Variants in ENPP6 observed in about 807,000 individuals in gnomAD.
ENPP6 encodes ectonucleotide pyrophosphatase/phosphodiesterase 6.
In ENPP6, 32 loss-of-function variants were observed where a neutral mutation model predicts 42.0. The ratio of observed to expected loss-of-function variants is 0.76; its 90% confidence interval spans 0.58 to 1.02. The LOEUF is 1.02. ENPP6 is among the 50% of genes least tolerant of loss of function. The pLI, the probability that ENPP6 is intolerant of heterozygous loss-of-function variation, is 0.00. For missense variants in ENPP6, 552 were observed against 566.8 expected (o/e 0.97, Z 0.27); for synonymous variants, 213 against 216.0 (o/e 0.99, Z 0.12).
chr4:184,174,222 C>T (rs1023979722), intron 1 of ENPP6, among the ~76,000 whole-genome samples: 3 of 150,706 alleles, frequency 2.0e-5, no homozygotes, highest in Non-Finnish European at 4.4e-5. Flanking sequence ...ACTGCAACCT[C>T]TGCCTCCCAG....
intron 1 of ENPP6, among the ~76,000 whole-genome samples, chr4:184,185,363 G>C (rs111658095): frequency 1.0e-3 from 158 of 152,158 alleles, no homozygotes; most frequent in African/African-American, 3.4e-3. Context: ...AACATCCCAC[G>C]GGCAACATCT....
chr4:184,205,875 G>A (rs1732987812), intron 1 of ENPP6, among the ~76,000 whole-genome samples: 1 of 152,170 alleles, frequency 6.6e-6, no homozygotes, highest in Non-Finnish European at 1.5e-5. Flanking sequence ...AAGGATGAAG[G>A]AGGAGTGAGT....
chr4:184,173,735 C>T (rs183290368), intron 1 of ENPP6, among the ~76,000 whole-genome samples: 11 of 152,336 alleles, frequency 7.2e-5, no homozygotes, highest in Admixed American at 4.6e-4. Flanking sequence ...AAAACACCCA[C>T]CCATTTCTGG....
intron 1 of ENPP6, among the ~76,000 whole-genome samples, chr4:184,170,060 A>G (rs1370569711): frequency 6.6e-6 from 1 of 152,242 alleles, no homozygotes; most frequent in Non-Finnish European, 1.5e-5. Flanking sequence ...TAACTATTTA[A>G]TATCATTCAA....
At chr4:184,151,352 T>C (rs1375523752) in intron 2 of ENPP6, among the ~76,000 whole-genome samples, 2 of 152,042 alleles carry the variant, frequency 1.3e-5, no homozygotes, top group Non-Finnish European at 2.9e-5. Context: ...CAAAAGGAGA[T>C]AAAGCACAAT....
At chr4:184,096,408 T>C (rs770044000) in intron 7 of ENPP6, among the ~76,000 whole-genome samples, 41 of 152,196 alleles carry the variant, frequency 2.7e-4, no homozygotes, top group Non-Finnish European at 5.9e-4. Flanking sequence ...TTATATTTAG[T>C]GCAGGAGGAC....
chr4:184,140,373 T>G (rs537731276), intron 2 of ENPP6, among the ~76,000 whole-genome samples: 134 of 152,076 alleles, frequency 8.8e-4, no homozygotes, highest in African/African-American at 2.6e-3. Context: ...TTTCTTCACA[T>G]AATTGGAAAA....
intron 1 of ENPP6, among the ~76,000 whole-genome samples, chr4:184,168,585 G>A (rs1168649246): frequency 6.6e-6 from 1 of 152,230 alleles, no homozygotes; most frequent in Non-Finnish European, 1.5e-5. Flanking sequence ...GGCCACGCTG[G>A]CCCGCCACTG....
chr4:184,129,976 T>C (rs1736567081), intron 2 of ENPP6, among the ~76,000 whole-genome samples: 1 of 152,240 alleles, frequency 6.6e-6, no homozygotes, highest in Non-Finnish European at 1.5e-5. Flanking sequence ...TCTCTGTTTC[T>C]GTTTTGTCGA....
rs373923235 is a variant in ENPP6 at position 184,116,741 on chromosome 4, G to C, written c.855+115C>G. ...AAAGTGAAACTCTGCCTCAAAAAAA[G>C]AAACAAACACACACACACAAAACAA... On this transcript the variant is annotated intron_variant, in intron 5 of 7. Coordinates refer to ENST00000296741, the MANE Select transcript of ENPP6 (RefSeq NM_153343.4). The C allele has an allele frequency of 8.7e-5, 123 of 1,408,858 alleles. No individual in the cohort carries two copies. In the African/African-American group the frequency reaches 1.6e-3, roughly 19 times the overall value. The allele number at this position is 1,408,858 out of a possible 1,614,324, so 87.3% of individuals were successfully genotyped here.
At chr4:184,114,939 C>G (rs1198599097) in intron 5 of ENPP6, among the ~76,000 whole-genome samples, 2 of 152,184 alleles carry the variant, frequency 1.3e-5, no homozygotes, top group Non-Finnish European at 2.9e-5. Context: ...GACTGTCCCC[C>G]TGGGGATGGA....
At chr4:184,183,711 A>G (rs1732590390) in intron 1 of ENPP6, among the ~76,000 whole-genome samples, 1 of 152,230 alleles carries the variant, frequency 6.6e-6, no homozygotes, top group Admixed American at 6.5e-5. Context: ...CCAAACATGC[A>G]TATCAATAAG....
At chr4:184,139,977 G>C (rs1171012411) in intron 2 of ENPP6, among the ~76,000 whole-genome samples, 1 of 128,672 alleles carries the variant, frequency 7.8e-6, no homozygotes, top group Admixed American at 7.7e-5. Flanking sequence ...CCCACCAACA[G>C]TGTAAAAGTG....
At chr4:184,206,945 G>A (rs1417039662) in intron 1 of ENPP6, among the ~76,000 whole-genome samples, 2 of 152,322 alleles carry the variant, frequency 1.3e-5, no homozygotes, top group Admixed American at 6.5e-5. Context: ...GCCACTCTAA[G>A]ATGCAGGCTT....
At chr4:184,131,191 T>TC in intron 2 of ENPP6, among the ~76,000 whole-genome samples, 1 of 56,650 alleles carries the variant, frequency 1.8e-5, no homozygotes, top group South Asian at 5.9e-4. Flanking sequence ...CTTTCTTTCT[T>TC]TCTTTCTTTC....
At chr4:184,167,700 C>T (rs151222502) in intron 1 of ENPP6, among the ~76,000 whole-genome samples, 1 of 152,316 alleles carries the variant, frequency 6.6e-6, no homozygotes, top group Non-Finnish European at 1.5e-5. Context: ...TGCTGGCCTG[C>T]CCAAGTTCAC....
At chr4:184,123,803 A>T (rs1425895343) in intron 3 of ENPP6, among the ~76,000 whole-genome samples, 1 of 152,164 alleles carries the variant, frequency 6.6e-6, no homozygotes, top group African/African-American at 2.4e-5. Context: ...TTGACCACAT[A>T]TCCTTCCTTT....
chr4:184,131,331 CTTCT>C (rs1395422140), intron 2 of ENPP6, among the ~76,000 whole-genome samples: 38 of 122,936 alleles, frequency 3.1e-4, no homozygotes, highest in African/African-American at 9.6e-4. Flanking sequence ...CTCTCTCTTT[CTTCT>C]TTCTTTCTTT....
At chr4:184,097,168 C>G in intron 7 of ENPP6, 77 bp downstream of exon 7, 1 of 1,590,038 alleles carries the variant, frequency 6.3e-7, no homozygotes, top group East Asian at 2.2e-5. Flanking sequence ...TGCAGCCTCT[C>G]CTGGCACCCG....
Sources: allele counts gnomAD v4.1 joint callset (sites outside exome capture counted in the v4.1 genomes callset), GRCh38; gene constraint gnomAD v4.1.1; transcripts MANE v1.5; gene names NCBI Gene and HGNC (gene_info 2026-07-23, HGNC 2026-07-21).